Variants in CFLAR observed in about 807,000 individuals in gnomAD.
The protein encoded by CFLAR is CASP8 and FADD like apoptosis regulator.
In CFLAR, 14 loss-of-function variants were observed where a neutral mutation model predicts 51.1. The ratio of observed to expected loss-of-function variants is 0.27; its 90% CI spans 0.18 to 0.43. CFLAR has a LOEUF of 0.43. Ranked by LOEUF, CFLAR falls within the 20% of genes least tolerant of loss-of-function variation. CFLAR has a pLI of 1.00. For synonymous variants in CFLAR, 210 were observed against 211.6 expected (o/e 0.99, Z 0.06); for missense variants, 390 against 566.5 (o/e 0.69, Z 3.16).
At chr2:201,121,497 G>A (rs1256812760) in intron 1 of CFLAR, among the ~76,000 whole-genome samples, 1 of 152,248 alleles carries the variant, frequency 6.6e-6, no homozygotes, top group South Asian at 2.1e-4. Flanking sequence ...GGATGGTGAT[G>A]AGACTGAAGC....
chr2:201,166,953 G>GAAAGAGAGAGAGAGGGAGACCGTGC lies in CFLAR; in HGVS notation c.*2980_*2981insAAAGAGAGAGAGAGGGAGACCGTGC, dbSNP rs71022349. 2 of 151,758 alleles carry GAAAGAGAGAGAGAGGGAGACCGTGC rather than the reference G, an allele frequency of 1.3e-5. No individual in the cohort carries two copies. Among genetic ancestry groups the GAAAGAGAGAGAGAGGGAGACCGTGC allele is most frequent in the Admixed American group, 1.3e-4 (2 of 15,212 alleles). 9.4% of individuals were successfully genotyped at this position (151,758 alleles called of 1,614,324 possible). On this transcript the variant is annotated 3_prime_UTR_variant, in exon 10 of 10. Coordinates refer to ENST00000309955, the MANE Select transcript of CFLAR (RefSeq NM_003879.7). ...GGCTCGGCATCAGAGGGAGACCGTG[G>GAAAGAGAGAGAGAGGGAGACCGTGC]GGAGAGGGAGAAGAGAGGGAGGGGG...
chr2:201,160,310 A>G, intron 8 of CFLAR, 122 bp from the exon 9 acceptor site: 3 of 1,080,834 alleles, frequency 2.8e-6, no homozygotes, highest in Non-Finnish European at 4.0e-6. Flanking sequence ...ACATCAAAAT[A>G]TGACACAAAA....
intron 9 of CFLAR, among the ~76,000 whole-genome samples, chr2:201,161,195 G>A (rs1379307469): frequency 6.6e-6 from 1 of 152,106 alleles, no homozygotes; most frequent in Non-Finnish European, 1.5e-5. Context: ...AACAAAGTGA[G>A]AACTTGCTCT....
chr2:201,159,413 G>A (rs987911270), intron 8 of CFLAR, among the ~76,000 whole-genome samples: 8 of 151,772 alleles, frequency 5.3e-5, no homozygotes, highest in Non-Finnish European at 1.0e-4. Context: ...GGGTTCAAGC[G>A]ATTCTCCTGC....
At chr2:201,117,750 CTTTTTT>C (rs1174973596) in intron 1 of CFLAR, among the ~76,000 whole-genome samples, 2 of 113,886 alleles carry the variant, frequency 1.8e-5, no homozygotes, top group African/African-American at 3.4e-5. Flanking sequence ...GCTCCAAGAT[CTTTTTT>C]TTTTTTTTTT....
rs35731279 is a variant in CFLAR, at chr2:201,164,278, T to TAA, written c.*319_*320dup. 4.1e-3 allele frequency: 623 copies of TAA among 153,520 alleles called. No individual in the cohort carries two copies. Among genetic ancestry groups the TAA allele is most frequent in the South Asian group, 6.3e-3 (37 of 5,876 alleles). The allele number at this position is 153,520 out of a possible 1,614,324, so 9.5% of individuals were successfully genotyped here. On this transcript the variant is annotated 3_prime_UTR_variant, in exon 10 of 10. Transcript: ENST00000309955. Reference sequence around the variant, plus strand: ...GCAATATAGCAAGATCCCATCTCTTTAAAAAAAAAAAAAAAGGACAGGAAC... The same window carrying TAA: ...GCAATATAGCAAGATCCCATCTCTTTAAAAAAAAAAAAAAAAAGGACAGGAAC...
rs1013600825 is a variant in CFLAR at position 201,176,249 on chromosome 2, T to C, written c.*12276T>C. The C allele has an allele frequency of 8.5e-6, 1 of 118,322 alleles. No homozygotes were observed. The highest frequency in any genetic ancestry group is 1.6e-5 in the Non-Finnish European group (1 of 61,588). 7.3% of individuals were successfully genotyped at this position (118,322 alleles called of 1,614,324 possible). The stretch of plus-strand genomic sequence containing the variant: ...CACTCCTGAGATCTTTTTGAGAAGC[T>C]GATGATCAGTCTCAGGTGTTTTCTA... On this transcript the variant is annotated 3_prime_UTR_variant, in exon 10 of 10. Coordinates refer to ENST00000309955, the MANE Select transcript of CFLAR (RefSeq NM_003879.7).
rs13417405 is a variant in CFLAR, at chr2:201,166,268, A to C, written c.*2295A>C. On this transcript the variant is annotated 3_prime_UTR_variant, in exon 10 of 10. Transcript: ENST00000309955. The stretch of plus-strand genomic sequence containing the variant: ...GCTGGCCGGGCGGGGGCTGACCCCC[A>C]CGCCTCCCTCCCGGACGGGGCGGCT... 0.45 allele frequency: 66,910 copies of C among 148,906 alleles called. 14,355 individuals carry two copies. The highest frequency in any genetic ancestry group is 0.48 in the Non-Finnish European group (32,383 of 67,588). 9.2% of individuals were successfully genotyped at this position (148,906 alleles called of 1,614,324 possible). A position where few individuals can be genotyped will look rare whatever the true frequency, so the allele number is the denominator to read the frequency against.
chr2:201,174,837 C>T lies in CFLAR; in HGVS notation c.*10864C>T, dbSNP rs995836694. The T allele has an allele frequency of 6.6e-6, 1 of 152,166 alleles. No individual in the cohort carries two copies. The highest frequency in any genetic ancestry group is 2.4e-5 in the African/African-American group (1 of 41,442). The allele number at this position is 152,166 out of a possible 1,614,324, so 9.4% of individuals were successfully genotyped here. A position where few individuals can be genotyped will look rare whatever the true frequency, so the allele number is the denominator to read the frequency against. ...GTTTGGCAGGACTGGTTTCCCAAGA[C>T]CACAAGACCCTGTAAGACCCTGCTG... On this transcript the variant is annotated 3_prime_UTR_variant, in exon 10 of 10. Coordinates refer to ENST00000309955, the MANE Select transcript of CFLAR (RefSeq NM_003879.7).
rs1303096542 is a variant in CFLAR, at chr2:201,164,951, A to G, written c.*978A>G. The G allele has an allele frequency of 6.6e-6, 1 of 152,134 alleles. No homozygotes were observed. The highest frequency in any genetic ancestry group is 1.5e-5 in the Non-Finnish European group (1 of 68,024). The allele number at this position is 152,134 out of a possible 1,614,324, so 9.4% of individuals were successfully genotyped here. A position where few individuals can be genotyped will look rare whatever the true frequency, so the allele number is the denominator to read the frequency against. On this transcript the variant is annotated 3_prime_UTR_variant, in exon 10 of 10. Transcript: ENST00000309955. ...GCAGAAAAAGAGGATGCAAACTCTC[A>G]AGTATATCTTTAAGGGCACAAATTC...
chr2:201,134,451 A>G (rs1036958167), intron 3 of CFLAR, among the ~76,000 whole-genome samples: 27 of 151,958 alleles, frequency 1.8e-4, no homozygotes, highest in African/African-American at 6.5e-4. Flanking sequence ...CCTGGCCAAC[A>G]TGGCAAAACC....
At chr2:201,145,720 A>G in intron 6 of CFLAR, 1 of 311,984 alleles carries the variant, frequency 3.2e-6, no homozygotes, top group South Asian at 5.1e-5. Flanking sequence ...TAATCAGGCC[A>G]TGTTAAACAT....
chr2:201,145,020 T>G (rs563056308), intron 5 of CFLAR, among the ~76,000 whole-genome samples: 1 of 151,952 alleles, frequency 6.6e-6, no homozygotes, highest in Non-Finnish European at 1.5e-5. Context: ...GCCCAGCAAA[T>G]TTTTGTATTT....
At chr2:201,157,087 A>G (rs540061142) in intron 8 of CFLAR, among the ~76,000 whole-genome samples, 3 of 152,288 alleles carry the variant, frequency 2.0e-5, no homozygotes, top group South Asian at 2.1e-4. Flanking sequence ...TTTAAAGTCA[A>G]TATCTTATAT....
At chr2:201,159,129 C>T (rs1296994999) in intron 8 of CFLAR, among the ~76,000 whole-genome samples, 1 of 151,778 alleles carries the variant, frequency 6.6e-6, no homozygotes, top group Non-Finnish European at 1.5e-5. Context: ...CTGCCCGTCT[C>T]GGCCTCCCAA....
intron 8 of CFLAR, chr2:201,154,492 T>C (rs1265039884): frequency 1.3e-5 from 2 of 152,260 alleles, no homozygotes; most frequent in Admixed American, 6.5e-5. Context: ...CCAAAACCTA[T>C]GCTTTTAACT....
At chr2:201,129,531 TTC>T (rs926346408) in intron 1 of CFLAR, 196 bp from the exon 2 acceptor site, 147 of 404,264 alleles carry the variant, frequency 3.6e-4, no homozygotes, top group Non-Finnish European at 9.2e-5. Context: ...GTAGGTTTTC[TTC>T]TCTGTCTTTT....
rs1242686407 is a variant in CFLAR, at chr2:201,171,022, CTA to C, written c.*7051_*7052del. The C allele has an allele frequency of 6.6e-6, 1 of 152,194 alleles. No individual in the cohort carries two copies. Among genetic ancestry groups the C allele is most frequent in the Non-Finnish European group, 1.5e-5 (1 of 68,038 alleles). The allele number at this position is 152,194 out of a possible 1,614,324, so 9.4% of individuals were successfully genotyped here. A position where few individuals can be genotyped will look rare whatever the true frequency, so the allele number is the denominator to read the frequency against. ...AATGACATTCACAGCAACCTGGAGA[CTA>C]TTACTCTAAAGGAAGTAACTGAGGA... On this transcript the variant is annotated 3_prime_UTR_variant, in exon 10 of 10. Transcript: ENST00000309955.
rs1016581234 is a variant in CFLAR, at chr2:201,116,778, C to G, written c.-138+297C>G. The G allele has an allele frequency of 6.6e-6, 1 of 152,324 alleles. No homozygotes were observed. The highest frequency in any genetic ancestry group is 1.5e-5 in the Non-Finnish European group (1 of 68,134). 9.4% of individuals were successfully genotyped at this position (152,324 alleles called of 1,614,324 possible). A position where few individuals can be genotyped will look rare whatever the true frequency, so the allele number is the denominator to read the frequency against. ...CTTCCGTTTCCGCCCGGCTCCGAACCCCCGAACCCCTTCTACCCGCAACTC... is the reference window on the plus strand; with the variant it reads ...CTTCCGTTTCCGCCCGGCTCCGAACGCCCGAACCCCTTCTACCCGCAACTC... On this transcript the variant is annotated intron_variant, in intron 1 of 9. Transcript: ENST00000309955. This position sits in a 1 kb window ranked among gnomAD's most constrained non-coding sequence, Gnocchi z 4.8.
Sources: gnomAD v4.1 joint callset for allele counts (sites outside exome capture counted in the v4.1 genomes callset) on GRCh38, gnomAD v4.1.1 for gene constraint, Gnocchi (gnomAD v3.1) non-coding constraint, MANE v1.5 for transcripts, NCBI Gene and HGNC (gene_info 2026-07-23, HGNC 2026-07-21) for gene names.